Variants in CHODL observed in about 807,000 individuals in gnomAD.
CHODL encodes chondrolectin.
Under a neutral mutation model 34.5 loss-of-function variants are expected in CHODL, and 29 were observed. The observed-to-expected ratio is 0.84, with a 90% CI of 0.63 to 1.15. CHODL has a LOEUF of 1.15. CHODL is among the 50% of genes most tolerant of loss of function. The probability of loss-of-function intolerance (pLI) is 0.00; values close to 1 mark genes in which losing one functional copy is unlikely to be tolerated. For synonymous variants in CHODL, 125 were observed against 116.1 expected (o/e 1.08, Z -0.49); for missense variants, 332 against 332.5 (o/e 1.00, Z 0.01).
At chr21:17,934,742 TA>T (rs1294263348) in intron 1 of CHODL, among the ~76,000 whole-genome samples, 1 of 152,328 alleles carries the variant, frequency 6.6e-6, no homozygotes, top group East Asian at 1.9e-4. Context: ...CCCATCATCC[TA>T]AATATCTTAT....
chr21:18,260,341 G>T, intron 4 of CHODL, 55 bp downstream of exon 4: 3 of 1,126,584 alleles, frequency 2.7e-6, no homozygotes, highest in Non-Finnish European at 3.9e-6. Context: ...ACTTTCAAAC[G>T]CTGCTTCATG....
At chr21:18,093,781 A>C (rs901199407) in intron 2 of CHODL, among the ~76,000 whole-genome samples, 1 of 152,120 alleles carries the variant, frequency 6.6e-6, no homozygotes, top group Non-Finnish European at 1.5e-5. Context: ...CCACCAGAGA[A>C]AATCACCTTC....
At chr21:18,218,609 C>A (rs78151093) in intron 2 of CHODL, among the ~76,000 whole-genome samples, 2,250 of 152,314 alleles carry the variant, frequency 0.015, 60 homozygotes, top group African/African-American at 0.049. Context: ...ATGCAAATTT[C>A]TGCAGTCAGC....
chr21:18,225,062 A>G (rs1328826203), intron 2 of CHODL, among the ~76,000 whole-genome samples: 2 of 152,126 alleles, frequency 1.3e-5, no homozygotes, highest in Non-Finnish European at 2.9e-5. Context: ...GTTATAATTC[A>G]TAAGAAAGTT....
At chr21:18,162,730 G>T (rs2073111351) in intron 2 of CHODL, among the ~76,000 whole-genome samples, 1 of 152,228 alleles carries the variant, frequency 6.6e-6, no homozygotes, top group Non-Finnish European at 1.5e-5. Context: ...ATATTCTTCT[G>T]TGTCATCTTC....
rs115896003 is a variant in CHODL at position 18,195,640 on chromosome 21, G to C, written c.-44-60869G>C. On this transcript the variant is annotated intron_variant, in intron 2 of 6. Transcript: ENST00000400127. Reference sequence around the variant, plus strand: ...CCATGTTTCATATGACAGAATTTCTGTATTATATCTGTTTCAATTATCTGC... The same window carrying C: ...CCATGTTTCATATGACAGAATTTCTCTATTATATCTGTTTCAATTATCTGC... Among the ~76,000 whole-genome samples, 519 of 152,190 alleles carry C rather than the reference G, an allele frequency of 3.4e-3. 2 individuals are homozygous for C. Among genetic ancestry groups the C allele is most frequent in the African/African-American group, 0.012 (487 of 41,538 alleles).
intron 2 of CHODL, among the ~76,000 whole-genome samples, chr21:18,106,334 T>G (rs1475923119): frequency 6.6e-6 from 1 of 152,136 alleles, no homozygotes; most frequent in African/African-American, 2.4e-5. Context: ...AAACCTAAAA[T>G]GTACTGACCG....
chr21:18,160,402 T>C (rs2146641921), intron 2 of CHODL, among the ~76,000 whole-genome samples: 1 of 152,300 alleles, frequency 6.6e-6, no homozygotes, highest in East Asian at 1.9e-4. Flanking sequence ...TAAACTTGTG[T>C]CATGGGGGTT....
At chr21:18,265,785 A>G (rs1406682547) in intron 5 of CHODL, among the ~76,000 whole-genome samples, 169 bp from the exon 6 acceptor site, 1 of 152,228 alleles carries the variant, frequency 6.6e-6, no homozygotes, top group Non-Finnish European at 1.5e-5. Flanking sequence ...ACTGTTTGCC[A>G]TCTTCACATA....
intron 2 of CHODL, among the ~76,000 whole-genome samples, chr21:18,191,644 G>C (rs547788244): frequency 6.6e-6 from 1 of 152,106 alleles, no homozygotes; most frequent in African/African-American, 2.4e-5. Flanking sequence ...TTTTCATCAC[G>C]TTGTTAGATT....
At chr21:18,255,130 G>A (rs922828109) in intron 1 of CHODL, among the ~76,000 whole-genome samples, 2 of 151,830 alleles carry the variant, frequency 1.3e-5, no homozygotes, top group Non-Finnish European at 2.9e-5. Flanking sequence ...TTAAGATACA[G>A]GTTTAAGATA....
chr21:18,096,583 C>T (rs2065142625), intron 2 of CHODL, among the ~76,000 whole-genome samples: 1 of 152,146 alleles, frequency 6.6e-6, no homozygotes, highest in Non-Finnish European at 1.5e-5. Context: ...CTGCAGTGCC[C>T]TCAGGCTTGC....
At chr21:18,203,155 A>G (rs2073673919) in intron 2 of CHODL, among the ~76,000 whole-genome samples, 1 of 152,180 alleles carries the variant, frequency 6.6e-6, no homozygotes, top group Non-Finnish European at 1.5e-5. Context: ...GTTTACAAGA[A>G]CTTTGTTTTG....
intron 1 of CHODL, among the ~76,000 whole-genome samples, chr21:18,254,209 T>G (rs1301590038): frequency 6.6e-6 from 1 of 151,484 alleles, no homozygotes; most frequent in Non-Finnish European, 1.5e-5. Context: ...ACAACTTTTA[T>G]TGATAGGCTA....
At chr21:17,978,658 C>G (rs2063689241) in intron 1 of CHODL, among the ~76,000 whole-genome samples, 2 of 150,660 alleles carry the variant, frequency 1.3e-5, no homozygotes, top group Admixed American at 6.7e-5. Flanking sequence ...GCGGAGCTTG[C>G]AGTGAGCCGA....
intron 1 of CHODL, among the ~76,000 whole-genome samples, chr21:18,021,703 T>C (rs1405087660): frequency 6.6e-6 from 1 of 152,206 alleles, no homozygotes; most frequent in Non-Finnish European, 1.5e-5. Context: ...TAAAAATGTT[T>C]AGATGTTGTA....
At chr21:17,997,750 A>G (rs1049224995) in intron 1 of CHODL, among the ~76,000 whole-genome samples, 3 of 152,104 alleles carry the variant, frequency 2.0e-5, no homozygotes, top group Non-Finnish European at 2.9e-5. Context: ...TTTCACTATC[A>G]TGAGAATAGC....
chr21:18,232,966 T>G, intron 2 of CHODL, among the ~76,000 whole-genome samples: 1 of 139,500 alleles, frequency 7.2e-6, no homozygotes, highest in Non-Finnish European at 1.5e-5. Context: ...TATATATATA[T>G]ATATATGTAT....
At chr21:18,059,403 A>G (rs2064627653) in intron 2 of CHODL, among the ~76,000 whole-genome samples, 1 of 152,126 alleles carries the variant, frequency 6.6e-6, no homozygotes, top group African/African-American at 2.4e-5. Context: ...CTGGTCATCA[A>G]ATGGGGCGAA....
Sources: allele counts gnomAD v4.1 joint callset (sites outside exome capture counted in the v4.1 genomes callset), GRCh38; gene constraint gnomAD v4.1.1; transcripts MANE v1.5; gene names NCBI Gene and HGNC (gene_info 2026-07-23, HGNC 2026-07-21).